FAM3C: variants seen among roughly 807,000 people sequenced by gnomAD.
The protein encoded by FAM3C is protein FAM3C.
FAM3C carries 15 observed loss-of-function variants against 32.5 expected under a neutral mutation model. That is an observed-to-expected ratio of 0.46 (90% CI 0.31 to 0.71). The LOEUF is 0.71. Ranked by LOEUF, FAM3C falls within the 30% of genes least tolerant of loss-of-function variation. The probability of loss-of-function intolerance (pLI) is 0.05; values close to 1 mark genes in which losing one functional copy is unlikely to be tolerated. For missense variants in FAM3C, 175 were observed against 274.4 expected (o/e 0.64, Z 2.56); for synonymous variants, 75 against 86.1 (o/e 0.87, Z 0.72).
intron 2 of FAM3C, among the ~76,000 whole-genome samples, chr7:121,381,645 T>C (rs1194394904): frequency 6.9e-6 from 1 of 144,854 alleles, no homozygotes; most frequent in East Asian, 2.0e-4. Flanking sequence ...CCTGCTGTAC[T>C]CAAAGAACAT....
chr7:121,376,377 T>C (rs1465423328), intron 3 of FAM3C, among the ~76,000 whole-genome samples: 1 of 152,168 alleles, frequency 6.6e-6, no homozygotes, highest in South Asian at 2.1e-4. Flanking sequence ...GAATCACTGA[T>C]GAAGAAGGGG....
chr7:121,361,667 A>C (rs777586305), intron 7 of FAM3C, among the ~76,000 whole-genome samples: 8 of 152,168 alleles, frequency 5.3e-5, no homozygotes, highest in African/African-American at 1.2e-4. Context: ...TAATAACAAA[A>C]TAATACACGG....
chr7:121,375,325 G>A (rs1036985426), intron 3 of FAM3C, among the ~76,000 whole-genome samples: 8 of 152,178 alleles, frequency 5.3e-5, no homozygotes, highest in Non-Finnish European at 1.2e-4. Context: ...GGGTTGAAAG[G>A]ACAGGAGGGG....
chr7:121,359,916 A>G (rs1793885619), intron 8 of FAM3C, 127 bp downstream of exon 8: 1 of 621,850 alleles, frequency 1.6e-6, no homozygotes, highest in Non-Finnish European at 2.9e-6. Flanking sequence ...AAAAACAAAA[A>G]TTGTTAGTTG....
chr7:121,352,985 C>T (rs1479410613), intron 8 of FAM3C, among the ~76,000 whole-genome samples: 4 of 152,188 alleles, frequency 2.6e-5, no homozygotes, highest in Non-Finnish European at 1.5e-5. Flanking sequence ...AGGCAGTAGG[C>T]TCAGTGGTCA....
intron 4 of FAM3C, 48 bp downstream of exon 4, chr7:121,372,062 C>A (rs1308025339): frequency 7.0e-7 from 1 of 1,435,578 alleles, no homozygotes; most frequent in Non-Finnish European, 9.8e-7. Context: ...CTCTCATATG[C>A]CTAAGGCAGA....
At chr7:121,382,546 T>C (rs371245950) in intron 2 of FAM3C, among the ~76,000 whole-genome samples, 8 of 127,806 alleles carry the variant, frequency 6.3e-5, no homozygotes, top group African/African-American at 2.5e-4. Context: ...ATACAGTCTT[T>C]AGGTTTTTTT....
intron 1 of FAM3C, among the ~76,000 whole-genome samples, chr7:121,390,640 T>A (rs1430530963): frequency 1.3e-5 from 2 of 152,146 alleles, no homozygotes; most frequent in African/African-American, 4.8e-5. Flanking sequence ...ACTACAGGGT[T>A]ACCTATAGCA....
rs112469771 is a variant in FAM3C at position 121,378,228 on chromosome 7, A to G, written c.118+682T>C. Reference sequence around the variant, plus strand: ...AAAAACTGGGTTAAGGTACCTTATAATGGTACATTTACAGTATGGCAACAT... The same window carrying G: ...AAAAACTGGGTTAAGGTACCTTATAGTGGTACATTTACAGTATGGCAACAT... On this transcript the variant is annotated intron_variant, in intron 3 of 9. Coordinates refer to ENST00000359943, the MANE Select transcript of FAM3C (RefSeq NM_014888.3). Among the ~76,000 whole-genome samples the G allele has an allele frequency of 3.0e-3, 452 of 152,264 alleles. 4 individuals carry two copies. Among genetic ancestry groups the G allele is most frequent in the African/African-American group, 0.01 (434 of 41,566 alleles).
At chr7:121,389,369 C>T (rs979823000) in intron 1 of FAM3C, among the ~76,000 whole-genome samples, 1 of 152,138 alleles carries the variant, frequency 6.6e-6, no homozygotes, top group South Asian at 2.1e-4. Flanking sequence ...GAGCTAAAAA[C>T]TAAATGGATC....
intron 3 of FAM3C, among the ~76,000 whole-genome samples, chr7:121,373,949 T>C (rs368281460): frequency 6.7e-6 from 1 of 150,112 alleles, no homozygotes; most frequent in Middle Eastern, 3.2e-3. Context: ...TGAGCCGAGA[T>C]TGTGCCACTG....
rs1224959936 is a variant in FAM3C, at chr7:121,350,991, T to C, written c.594+152A>G. On this transcript the variant is annotated intron_variant, in intron 9 of 9. Coordinates refer to ENST00000359943, the MANE Select transcript of FAM3C (RefSeq NM_014888.3). ...TTGAAATTTAAAAGTACGATAGTTA[T>C]TTCAAATAACTGATTACCAAGAATT... 3 of 782,654 alleles carry C rather than the reference T, an allele frequency of 3.8e-6. No individual in the cohort carries two copies. In the East Asian group the frequency reaches 8.0e-5, roughly 21 times the overall value. The allele number at this position is 782,654 out of a possible 1,614,324, so 48.5% of individuals were successfully genotyped here.
At chr7:121,372,993 TA>T (rs2116921921) in intron 3 of FAM3C, among the ~76,000 whole-genome samples, 1 of 152,112 alleles carries the variant, frequency 6.6e-6, no homozygotes, top group South Asian at 2.1e-4. Context: ...ACCAAGTAAA[TA>T]AAAGCTCATT....
intron 8 of FAM3C, among the ~76,000 whole-genome samples, chr7:121,353,318 C>G (rs941484986): frequency 1.3e-5 from 2 of 152,182 alleles, no homozygotes; most frequent in African/African-American, 4.8e-5. Flanking sequence ...CCATTATGAT[C>G]TGTATGAATA....
intron 9 of FAM3C, 97 bp from the exon 10 acceptor site, chr7:121,350,647 T>C (rs937965713): frequency 4.8e-5 from 60 of 1,242,748 alleles, no homozygotes; most frequent in Non-Finnish European, 6.5e-5. Flanking sequence ...GTAATACTCA[T>C]GTCAACAATA....
At chr7:121,370,077 T>TTAGAATCAAATTTGGGGTCTTGTTTGTC (rs1213363881) in intron 5 of FAM3C, among the ~76,000 whole-genome samples, 153 of 152,302 alleles carry the variant, frequency 1.0e-3, no homozygotes, top group African/African-American at 3.6e-3. Context: ...TGGGGTCTAT[T>TTAGAATCAAATTTGGGGTCTTGTTTGTC]TAACCAAACA....
At chr7:121,388,904 C>T (rs1794520819) in intron 1 of FAM3C, among the ~76,000 whole-genome samples, 1 of 152,144 alleles carries the variant, frequency 6.6e-6, no homozygotes, top group South Asian at 2.1e-4. Flanking sequence ...CAGCTTTCCT[C>T]CACAATCCAC....
chr7:121,383,045 C>CTTTTTG, intron 1 of FAM3C, 35 bp from the exon 2 acceptor site: 1 of 1,160,602 alleles, frequency 8.6e-7, no homozygotes, highest in Non-Finnish European at 1.3e-6. Context: ...ATATCATTAG[C>CTTTTTG]TCTAGAGCAA....
chr7:121,387,914 T>A (rs1372529489), intron 1 of FAM3C, among the ~76,000 whole-genome samples: 1 of 152,106 alleles, frequency 6.6e-6, no homozygotes, highest in East Asian at 1.9e-4. Context: ...CTATTGCACA[T>A]GCAGACGGCT....
Sources: gnomAD v4.1 joint callset for allele counts (sites outside exome capture counted in the v4.1 genomes callset) on GRCh38, gnomAD v4.1.1 for gene constraint, MANE v1.5 for transcripts, NCBI Gene and HGNC (gene_info 2026-07-23, HGNC 2026-07-21) for gene names.